Variants in SLC33A2 observed in about 807,000 individuals in gnomAD.
SLC33A2 encodes major facilitator superfamily domain containing 3.
chr8:144,510,407 G>A, the SLC33A2 span: 8 of 1,612,664 alleles, frequency 5.0e-6, no homozygotes, highest in Middle Eastern at 1.6e-4. Flanking sequence ...GCTGGACCAC[G>A]GCGTTTCTGC....
chr8:144,509,788 G>A, the SLC33A2 span: 3 of 1,551,270 alleles, frequency 1.9e-6, no homozygotes, highest in East Asian at 2.4e-5. Flanking sequence ...CTAGCTGGGG[G>A]CGCGCTGCTG....
chr8:144,510,067 C>G, the SLC33A2 span: 122 of 1,549,436 alleles, frequency 7.9e-5, no homozygotes, highest in Non-Finnish European at 1.0e-4. Context: ...CGGGACAGCT[C>G]CAGGTGTGTC....
the SLC33A2 span, chr8:144,510,273 A>G: frequency 6.4e-7 from 1 of 1,564,428 alleles, no homozygotes; most frequent in Non-Finnish European, 8.6e-7. Context: ...TGAGGAGAGC[A>G]GGGCAGGACT....
the SLC33A2 span, chr8:144,510,111 T>G: frequency 8.1e-5 from 115 of 1,420,304 alleles, no homozygotes; most frequent in Non-Finnish European, 1.0e-4. Flanking sequence ...AGGGCCACGC[T>G]CTTTCTGGGG....
At chr8:144,510,078 C>T in the SLC33A2 span, 6 of 1,528,614 alleles carry the variant, frequency 3.9e-6, no homozygotes, top group South Asian at 2.4e-5. Context: ...CAGGTGTGTC[C>T]CCAGGGGCTT....
chr8:144,510,957 G>C, the SLC33A2 span: 1 of 1,599,454 alleles, frequency 6.3e-7, no homozygotes, highest in Non-Finnish European at 8.5e-7. Context: ...GGCTGTGTGG[G>C]CCTGACCTTG....
the SLC33A2 span, chr8:144,509,995 TTG>T: frequency 1.3e-6 from 2 of 1,595,812 alleles, no homozygotes; most frequent in Non-Finnish European, 8.5e-7. Context: ...ACGGCAGGCT[TTG>T]TGCTCACCTA....
the SLC33A2 span, chr8:144,510,176 T>A: frequency 7.9e-7 from 1 of 1,270,224 alleles, no homozygotes; most frequent in Non-Finnish European, 1.1e-6. Flanking sequence ...GGGCCTTGTG[T>A]CTTGTCCGCC....
the SLC33A2 span, chr8:144,509,642 G>A: frequency 1.3e-6 from 2 of 1,547,272 alleles, no homozygotes; most frequent in South Asian, 2.4e-5. Context: ...CTGTGGCGGG[G>A]TTGCTGCTGT....
At chr8:144,510,214 T>C in the SLC33A2 span, 1 of 1,355,770 alleles carries the variant, frequency 7.4e-7, no homozygotes, top group Non-Finnish European at 1.0e-6. Flanking sequence ...CCCTGAGCGC[T>C]CTCTCGGGCT....
chr8:144,511,039 C>T, the SLC33A2 span: 2,535 of 1,604,800 alleles, frequency 1.6e-3, 35 homozygotes, highest in African/African-American at 0.031. Flanking sequence ...GGGGAAGCTG[C>T]TGCTGGGCAC....
the SLC33A2 span, chr8:144,510,024 G>A: frequency 3.1e-6 from 5 of 1,590,118 alleles, no homozygotes; most frequent in East Asian, 2.2e-5. Context: ...GGGTGAGTGA[G>A]GCCTCGAGCC....
chr8:144,509,282 G>C, the SLC33A2 span: 7 of 1,416,940 alleles, frequency 4.9e-6, no homozygotes, highest in South Asian at 7.6e-5. Context: ...CTCGCCTTGC[G>C]GGACCCCACC....
At chr8:144,510,229 C>A in the SLC33A2 span, 1 of 1,435,872 alleles carries the variant, frequency 7.0e-7, no homozygotes, top group Non-Finnish European at 9.4e-7. Flanking sequence ...CGGGCTGCCC[C>A]ACTTCTCCCC....
the SLC33A2 span, chr8:144,509,104 C>T: frequency 2.2e-6 from 1 of 455,870 alleles, no homozygotes; most frequent in East Asian, 3.6e-5. Context: ...CCGCCGGTGT[C>T]CGGACCGCTC....
At chr8:144,510,156 C>A in the SLC33A2 span, 1 of 1,290,092 alleles carries the variant, frequency 7.8e-7, no homozygotes, top group Non-Finnish European at 1.1e-6. Flanking sequence ...ACATCCGGGG[C>A]TCTGCAGCTG....
At chr8:144,509,118 C>T in the SLC33A2 span, 3 of 475,894 alleles carry the variant, frequency 6.3e-6, no homozygotes, top group South Asian at 4.6e-5. Flanking sequence ...ACCGCTCGCC[C>T]CCGTTTGGAC....
the SLC33A2 span, chr8:144,509,353 C>T: frequency 6.8e-7 from 1 of 1,472,884 alleles, no homozygotes. Context: ...AAGTTGCTGC[C>T]GCTGGCCGGC....
At chr8:144,511,097 T>C in the SLC33A2 span, 2 of 1,609,876 alleles carry the variant, frequency 1.2e-6, no homozygotes, top group Non-Finnish European at 1.7e-6. Context: ...CCCTGCTTCT[T>C]GCTCCTGCTC....
Sources: gnomAD v4.1 joint callset for allele counts on GRCh38, gnomAD v4.1.1 for gene constraint, MANE v1.5 for transcripts, NCBI Gene and HGNC (gene_info 2026-07-23, HGNC 2026-07-21) for gene names.